Variants in HCN4 observed in about 807,000 individuals in gnomAD.
HCN4 encodes the protein potassium/sodium hyperpolarization-activated cyclic nucleotide-gated channel 4.
HCN4 carries 29 observed loss-of-function variants against 76.9 expected under a neutral mutation model. The observed-to-expected ratio is 0.38, with a 90% confidence interval of 0.28 to 0.51. The LOEUF is 0.51. HCN4 is among the 20% of genes least tolerant of loss of function. The pLI, the probability that HCN4 is intolerant of heterozygous loss-of-function variation, is 0.90. For synonymous variants in HCN4, 772 were observed against 762.5 expected (o/e 1.01, Z -0.21); for missense variants, 1,416 against 1,715.2 (o/e 0.83, Z 3.08).
intron 1 of HCN4, among the ~76,000 whole-genome samples, chr15:73,354,832 C>T (rs1039619865): frequency 1.3e-5 from 2 of 152,166 alleles, no homozygotes; most frequent in Non-Finnish European, 2.9e-5. Flanking sequence ...AGGTCCTGGC[C>T]TGAGAGCTAG....
chr15:73,352,358 G>A (rs966279619), intron 1 of HCN4, among the ~76,000 whole-genome samples: 7 of 152,156 alleles, frequency 4.6e-5, no homozygotes, highest in African/African-American at 9.7e-5. Flanking sequence ...ACAAGCCTCC[G>A]ACAATCAGGG....
chr15:73,342,946 C>T (rs1161735332), intron 2 of HCN4, among the ~76,000 whole-genome samples: 1 of 152,188 alleles, frequency 6.6e-6, no homozygotes, highest in African/African-American at 2.4e-5. Context: ...CCCAACTGGC[C>T]CTTTTCACCC....
rs1443929088 is a variant in HCN4, at chr15:73,324,242, G to A, written c.1990C>T (p.Leu664=). The A allele has an allele frequency of 6.2e-7, 1 of 1,613,898 alleles. No homozygotes were observed. The highest frequency in any genetic ancestry group is 1.3e-5 in the African/African-American group (1 of 75,066). ...DGSYFGEICL[L]TRGRRTASVR... Reference sequence around the variant, plus strand: ...CTGGCTGTGCGCCGGCCCCGGGTCAGCAGGCAGATCTCTGCCAGAGCATCA... The same window carrying A: ...CTGGCTGTGCGCCGGCCCCGGGTCAACAGGCAGATCTCTGCCAGAGCATCA... Residue 664 remains leucine (L), a synonymous_variant, in exon 7 of 8, where the codon CTG becomes TTG. Transcript: ENST00000261917.
At chr15:73,339,996 T>C (rs2042990818) in intron 2 of HCN4, among the ~76,000 whole-genome samples, 1 of 152,202 alleles carries the variant, frequency 6.6e-6, no homozygotes, top group Non-Finnish European at 1.5e-5. Context: ...GTCATCCATC[T>C]GGCCTCCTGG....
intron 4 of HCN4, among the ~76,000 whole-genome samples, chr15:73,327,239 C>T (rs372280490): frequency 3.3e-5 from 5 of 151,896 alleles, no homozygotes; most frequent in African/African-American, 7.2e-5. Flanking sequence ...CCCTGAGTAG[C>T]TGGGACTACA....
intron 1 of HCN4, among the ~76,000 whole-genome samples, chr15:73,360,143 T>A (rs933062762): frequency 7.9e-5 from 12 of 152,146 alleles, no homozygotes; most frequent in African/African-American, 2.7e-4. Flanking sequence ...ATCCTGAAAA[T>A]ATCTATCATC....
intron 1 of HCN4, among the ~76,000 whole-genome samples, chr15:73,358,522 C>A (rs2043091158): frequency 6.6e-6 from 1 of 152,188 alleles, no homozygotes; most frequent in Non-Finnish European, 1.5e-5. Context: ...GCCTTCTGGG[C>A]CTAGTAAGGC....
At chr15:73,329,094 C>G (rs11072415) in intron 4 of HCN4, among the ~76,000 whole-genome samples, 1 of 151,924 alleles carries the variant, frequency 6.6e-6, no homozygotes. Flanking sequence ...AGCACCGGGG[C>G]CCCAGACAGA....
At chr15:73,331,485 T>C (rs1193997245) in intron 3 of HCN4, among the ~76,000 whole-genome samples, 1 of 152,198 alleles carries the variant, frequency 6.6e-6, no homozygotes, top group East Asian at 1.9e-4. Flanking sequence ...TTTTTATTTA[T>C]TTATTCCTTT....
rs181618074 is a variant in HCN4 at position 73,340,319 on chromosome 15, C to G, written c.1209+3066G>C. 1.9e-3 allele frequency among the ~76,000 whole-genome samples: 295 copies of G among 152,302 alleles called. 2 individuals are homozygous for G. The highest frequency in any genetic ancestry group is 6.8e-3 in the African/African-American group (281 of 41,570). On this transcript the variant is annotated intron_variant, in intron 2 of 7. Coordinates refer to ENST00000261917, the MANE Select transcript of HCN4 (RefSeq NM_005477.3). ...TCAGGCCCTGGAGGAGTAAGGTCAGCCCCTGGGAGGCTGAGGCCTGGAGAC... is the reference window on the plus strand; with the variant it reads ...TCAGGCCCTGGAGGAGTAAGGTCAGGCCCTGGGAGGCTGAGGCCTGGAGAC...
At position 73,325,694 on chromosome 15, in the gene HCN4, C is replaced by T. The variant is rs1283622293; in HGVS notation, c.1591-250G>A. Among the ~76,000 whole-genome samples, 1 of 152,156 alleles carries T rather than the reference C, an allele frequency of 6.6e-6. No homozygotes were observed. The highest frequency in any genetic ancestry group is 1.5e-5 in the Non-Finnish European group (1 of 68,036). On this transcript the variant is annotated intron_variant, in intron 4 of 7. Coordinates refer to ENST00000261917, the MANE Select transcript of HCN4 (RefSeq NM_005477.3). The surrounding 1 kb of genome is among the most constrained non-coding windows in gnomAD (Gnocchi z 7.4). ...CATCTGCTCCTCGCTGTGTTCAATA[C>T]TAAGGAGGTGGGTGAGGGCGGCAGG... is the stretch of plus-strand genomic sequence containing the variant.
intron 2 of HCN4, among the ~76,000 whole-genome samples, chr15:73,338,999 A>G (rs1265648104): frequency 1.3e-5 from 2 of 152,204 alleles, no homozygotes; most frequent in African/African-American, 4.8e-5. Context: ...CTACAGGATG[A>G]GGGGACTCAT....
chr15:73,336,166 C>T (rs1413921799), intron 2 of HCN4, among the ~76,000 whole-genome samples: 1 of 152,142 alleles, frequency 6.6e-6, no homozygotes, highest in Non-Finnish European at 1.5e-5. Context: ...TGGGGCTGGA[C>T]AGCACGGCTG....
At chr15:73,342,260 C>G (rs1300889502) in intron 2 of HCN4, 1 of 152,316 alleles carries the variant, frequency 6.6e-6, no homozygotes, top group East Asian at 1.9e-4. Flanking sequence ...GGTTTGTTCA[C>G]AATGCAGTTG....
In HCN4 at chr15:73,367,846, T is replaced by C; in HGVS notation, c.425A>G (p.Asp142Gly). ...IAEGDASPGE[D>G]RTPPGLAAEP... ...GGCCGCCAGGCCTGGGGGCGTCCTG[T>C]CCTCGCCGGGGGACGCGTCGCCCTC... Residue 142 changes from aspartate to glycine, a missense_variant, in exon 1 of 8, where the codon GAC becomes GGC. Physicochemically the swap from Asp to Gly is moderately conservative, Grantham distance 94. This residue lies in a region of HCN4 where 355 missense variants were observed against 347.8 expected (regional missense o/e 1.02). Coordinates refer to ENST00000261917, the MANE Select transcript of HCN4 (RefSeq NM_005477.3). This position sits in a 1 kb window ranked among gnomAD's most constrained non-coding sequence, Gnocchi z 7.5. The C allele has an allele frequency of 7.8e-7, 1 of 1,287,244 alleles. No individual in the cohort carries two copies. Among genetic ancestry groups the C allele is most frequent in the Non-Finnish European group, 9.8e-7 (1 of 1,016,806 alleles). 79.7% of individuals were successfully genotyped at this position (1,287,244 alleles called of 1,614,324 possible).
intron 4 of HCN4, among the ~76,000 whole-genome samples, chr15:73,326,232 C>T (rs562537234): frequency 6.6e-6 from 1 of 152,028 alleles, no homozygotes; most frequent in East Asian, 1.9e-4. Flanking sequence ...AGACTCCTCC[C>T]GGATGGGAAG....
chr15:73,365,894 G>A (rs903044386), intron 1 of HCN4, among the ~76,000 whole-genome samples: 1 of 152,164 alleles, frequency 6.6e-6, no homozygotes, highest in African/African-American at 2.4e-5. Context: ...TGAGAGACAG[G>A]AGGAAAAACC....
intron 1 of HCN4, among the ~76,000 whole-genome samples, chr15:73,348,328 G>A (rs549598363): frequency 5.3e-5 from 8 of 152,344 alleles, no homozygotes; most frequent in East Asian, 1.9e-4. Flanking sequence ...ACACACCCAC[G>A]CTTGCCTTTG....
At chr15:73,340,747 C>T (rs942206131) in intron 2 of HCN4, among the ~76,000 whole-genome samples, 20 of 152,250 alleles carry the variant, frequency 1.3e-4, no homozygotes, top group Non-Finnish European at 2.6e-4. Context: ...CCAGCGCCCA[C>T]CCAGGCCAGC....
Sources: gnomAD v4.1 joint callset for allele counts (sites outside exome capture counted in the v4.1 genomes callset) on GRCh38, gnomAD v4.1.1 for gene constraint, gnomAD v4.1.1 regional missense constraint, Gnocchi (gnomAD v3.1) non-coding constraint, MANE v1.5 for transcripts, NCBI Gene and HGNC (gene_info 2026-07-23, HGNC 2026-07-21) for gene names.